KCNIP4: variants seen among roughly 807,000 people sequenced by gnomAD.
KCNIP4 encodes Kv channel-interacting protein 4.
In KCNIP4, 12 loss-of-function variants were observed where a neutral mutation model predicts 34.0. The ratio of observed to expected loss-of-function variants is 0.35; its 90% confidence interval spans 0.23 to 0.57. The LOEUF (loss-of-function observed/expected upper bound fraction) is 0.57. Ranked by LOEUF, KCNIP4 falls within the 20% of genes least tolerant of loss-of-function variation. The probability of loss-of-function intolerance (pLI) is 0.83; values close to 1 mark genes in which losing one functional copy is unlikely to be tolerated. For missense variants in KCNIP4, 238 were observed against 311.7 expected (o/e 0.76, Z 1.78); for synonymous variants, 124 against 102.2 (o/e 1.21, Z -1.29).
chr4:20,834,802 T>C (rs1248629912), intron 3 of KCNIP4, among the ~76,000 whole-genome samples: 3 of 152,208 alleles, frequency 2.0e-5, no homozygotes, highest in Non-Finnish European at 2.9e-5. Context: ...AATTTGGTTA[T>C]TTCTCTGGGA....
At chr4:21,698,934 A>T (rs1712607876) in intron 1 of KCNIP4, among the ~76,000 whole-genome samples, 1 of 152,202 alleles carries the variant, frequency 6.6e-6, no homozygotes, top group Admixed American at 6.5e-5. Context: ...GGTTCTAACC[A>T]TTCTAACCAT....
At chr4:21,463,810 C>T (rs752098570) in intron 1 of KCNIP4, among the ~76,000 whole-genome samples, 1 of 151,916 alleles carries the variant, frequency 6.6e-6, no homozygotes, top group African/African-American at 2.4e-5. Context: ...AATGTTTAAT[C>T]GAATTCACCA....
intron 1 of KCNIP4, among the ~76,000 whole-genome samples, chr4:21,129,329 G>C (rs1750882078): frequency 6.6e-6 from 1 of 152,162 alleles, no homozygotes; most frequent in Admixed American, 6.5e-5. Flanking sequence ...TGTGAAAACA[G>C]ACAGCATCTA....
intron 1 of KCNIP4, among the ~76,000 whole-genome samples, chr4:21,008,416 T>C (rs1024074047): frequency 6.6e-6 from 1 of 152,230 alleles, no homozygotes; most frequent in Non-Finnish European, 1.5e-5. Context: ...AGCTGCTCTG[T>C]GCTATAAAAT....
chr4:21,523,911 G>T (rs1023041868), intron 1 of KCNIP4, among the ~76,000 whole-genome samples: 1 of 151,990 alleles, frequency 6.6e-6, no homozygotes, highest in Non-Finnish European at 1.5e-5. Context: ...AGGCTTTGAA[G>T]TACTCTTTTA....
At chr4:21,793,567 G>GT (rs1314702834) in intron 1 of KCNIP4, among the ~76,000 whole-genome samples, 1 of 152,078 alleles carries the variant, frequency 6.6e-6, no homozygotes, top group Non-Finnish European at 1.5e-5. Context: ...CTGACAAGTA[G>GT]TTTTTTCAAT....
At chr4:21,533,968 G>A (rs1264723585) in intron 1 of KCNIP4, among the ~76,000 whole-genome samples, 1 of 152,106 alleles carries the variant, frequency 6.6e-6, no homozygotes, top group East Asian at 1.9e-4. Flanking sequence ...CTTAAATGAT[G>A]GTAACAGTAG....
intron 1 of KCNIP4, among the ~76,000 whole-genome samples, chr4:21,445,197 G>T (rs1727868193): frequency 6.6e-6 from 1 of 152,124 alleles, no homozygotes; most frequent in Non-Finnish European, 1.5e-5. Context: ...TGGCCATACT[G>T]CCCAAGGTAA....
intron 1 of KCNIP4, among the ~76,000 whole-genome samples, chr4:21,796,573 G>C (rs572117129): frequency 6.6e-6 from 1 of 152,334 alleles, no homozygotes; most frequent in East Asian, 1.9e-4. Context: ...TACCCTTAAA[G>C]ATAATGAGCC....
intron 1 of KCNIP4, among the ~76,000 whole-genome samples, chr4:21,506,612 C>T (rs914573292): frequency 6.6e-6 from 1 of 152,144 alleles, no homozygotes; most frequent in African/African-American, 2.4e-5. Context: ...AGATGGTTTT[C>T]ATTCATTTCT....
At chr4:21,446,533 C>A (rs1414490406) in intron 1 of KCNIP4, among the ~76,000 whole-genome samples, 4 of 149,924 alleles carry the variant, frequency 2.7e-5, no homozygotes, top group Non-Finnish European at 4.4e-5. Context: ...GCACAAAAAA[C>A]CAAACACCGC....
intron 1 of KCNIP4, among the ~76,000 whole-genome samples, chr4:21,601,217 T>G (rs973415385): frequency 6.6e-6 from 1 of 152,064 alleles, no homozygotes; most frequent in East Asian, 1.9e-4. Context: ...AATCTGATTA[T>G]GCCATTGCTT....
intron 1 of KCNIP4, among the ~76,000 whole-genome samples, chr4:21,104,366 G>T (rs1379879683): frequency 6.6e-6 from 1 of 152,144 alleles, no homozygotes; most frequent in Non-Finnish European, 1.5e-5. Context: ...ATTTTTTCAT[G>T]TGTCTGTTGG....
intron 1 of KCNIP4, among the ~76,000 whole-genome samples, chr4:21,437,880 AGTGT>A (rs71655635): frequency 0.11 from 16,166 of 143,124 alleles, 1,082 homozygotes; most frequent in African/African-American, 0.19. Context: ...TTATTTTACA[AGTGT>A]GTGTGTGTGT....
chr4:21,762,840 T>C, intron 1 of KCNIP4: 1 of 841,922 alleles, frequency 1.2e-6, no homozygotes, highest in Non-Finnish European at 1.7e-6. Context: ...AATGTGTATA[T>C]ATAAGTGTGA....
intron 1 of KCNIP4, among the ~76,000 whole-genome samples, chr4:21,792,715 G>T (rs1368237676): frequency 6.6e-6 from 1 of 152,208 alleles, no homozygotes; most frequent in Admixed American, 6.5e-5. Flanking sequence ...AGACTGCACA[G>T]GGCTGCAGAC....
intron 1 of KCNIP4, among the ~76,000 whole-genome samples, chr4:21,524,260 G>A (rs982517598): frequency 7.9e-5 from 12 of 152,088 alleles, no homozygotes; most frequent in Non-Finnish European, 1.6e-4. Context: ...CTTGGGGTTA[G>A]GGTGTGAGCC....
intron 1 of KCNIP4, among the ~76,000 whole-genome samples, chr4:21,937,015 A>G (rs1370056003): frequency 3.9e-5 from 6 of 152,166 alleles, no homozygotes; most frequent in Non-Finnish European, 7.4e-5. Flanking sequence ...TCTTTCTGCA[A>G]CTAATTCCCA....
intron 1 of KCNIP4, among the ~76,000 whole-genome samples, chr4:21,094,159 A>G (rs1747264641): frequency 6.6e-6 from 1 of 152,188 alleles, no homozygotes; most frequent in Non-Finnish European, 1.5e-5. Flanking sequence ...GAAATTCCAA[A>G]TCAAAATGTT....
Sources: allele counts gnomAD v4.1 joint callset (sites outside exome capture counted in the v4.1 genomes callset), GRCh38; gene constraint gnomAD v4.1.1; transcripts MANE v1.5; gene names NCBI Gene and HGNC (gene_info 2026-07-23, HGNC 2026-07-21).